PRKG1: variants seen among roughly 807,000 people sequenced by gnomAD.
The protein encoded by PRKG1 is protein kinase cGMP-dependent 1.
Under a neutral mutation model 88.1 loss-of-function variants are expected in PRKG1, and 35 were observed. That is an observed-to-expected ratio of 0.40 (90% CI 0.30 to 0.53). PRKG1 has a LOEUF of 0.53. Ranked by LOEUF, PRKG1 falls within the 20% of genes least tolerant of loss-of-function variation. The pLI is 0.59. For missense variants in PRKG1, 540 were observed against 839.8 expected (o/e 0.64, Z 4.41); for synonymous variants, 303 against 292.5 (o/e 1.04, Z -0.37).
At chr10:51,437,940 C>G (rs1455771243) in intron 2 of PRKG1, among the ~76,000 whole-genome samples, 2 of 151,314 alleles carry the variant, frequency 1.3e-5, no homozygotes, top group Non-Finnish European at 3.0e-5. Flanking sequence ...AAAATGTTAA[C>G]TGTTCAAAGG....
Position 52,251,583 on chromosome 10 carries a change from G to A in PRKG1, c.1090G>A (p.Ala364Thr), listed in dbSNP as rs766158164. The part of the protein sequence containing the change: ...AEAKAKYEAE[A>T]AFFANLKLSD... Reference sequence around the variant, plus strand: ...CAAAAAATCCAGATATGAAGCTGAAGCGGCTTTCTTCGCCAACCTGAAGCT... The same window carrying A: ...CAAAAAATCCAGATATGAAGCTGAAACGGCTTTCTTCGCCAACCTGAAGCT... Residue 364 changes from alanine to threonine, a missense_variant, in exon 10 of 18, where the codon GCG (alanine) becomes ACG (threonine). By Grantham distance (58) the Ala-to-Thr change is moderately conservative (BLOSUM62 0). This residue lies in a region of PRKG1 where 400 missense variants were observed against 562.7 expected (regional missense o/e 0.71). Transcript: ENST00000373980. 1.2e-6 allele frequency: 2 copies of A among 1,607,890 alleles called. No individual in the cohort carries two copies. Among genetic ancestry groups the A allele is most frequent in the South Asian group, 1.1e-5 (1 of 90,942 alleles).
chr10:52,006,336 A>T (rs1452878985), intron 5 of PRKG1, among the ~76,000 whole-genome samples: 1 of 152,352 alleles, frequency 6.6e-6, no homozygotes, highest in Non-Finnish European at 1.5e-5. Context: ...AATGAAGATC[A>T]TCAAGATTCA....
chr10:52,244,795 T>TATATATTTAG (rs1216652289), intron 9 of PRKG1, among the ~76,000 whole-genome samples: 2 of 144,482 alleles, frequency 1.4e-5, no homozygotes, highest in African/African-American at 5.0e-5. Context: ...TATATTTAAA[T>TATATATTTAG]ATATATTTAG....
chr10:51,805,157 G>A (rs1839271772), intron 4 of PRKG1, among the ~76,000 whole-genome samples: 1 of 152,062 alleles, frequency 6.6e-6, no homozygotes, highest in Non-Finnish European at 1.5e-5. Context: ...AGATGACTAA[G>A]ATGAAAAAGT....
rs185011345 is a variant in PRKG1 at position 52,199,109 on chromosome 10, T to C, written c.1076+37146T>C. ...CTTGCTCTTTCTTTTTTTTTCCCGA[T>C]TCTGTTTCAATGTAAGGTTTTTCTT... On this transcript the variant is annotated intron_variant, in intron 9 of 17. Transcript: ENST00000373980. 5.7e-3 allele frequency among the ~76,000 whole-genome samples: 861 copies of C among 152,176 alleles called. 7 individuals are homozygous for C. Among genetic ancestry groups the C allele is most frequent in the African/African-American group, 0.02 (817 of 41,534 alleles).
intron 3 of PRKG1, among the ~76,000 whole-genome samples, chr10:51,606,012 G>T (rs377202591): frequency 1.3e-5 from 2 of 152,036 alleles, no homozygotes; most frequent in Non-Finnish European, 2.9e-5. Context: ...ACGACACCTG[G>T]TAAATAGTAA....
intron 3 of PRKG1, among the ~76,000 whole-genome samples, chr10:51,774,938 G>A (rs1838396341): frequency 6.6e-6 from 1 of 152,060 alleles, no homozygotes; most frequent in Admixed American, 6.6e-5. Flanking sequence ...AATATTGTTA[G>A]TAACCAAGCT....
intron 2 of PRKG1, among the ~76,000 whole-genome samples, chr10:51,207,505 A>T (rs975768139): frequency 2.6e-5 from 4 of 151,302 alleles, no homozygotes; most frequent in African/African-American, 4.8e-5. Flanking sequence ...CCTTATTATT[A>T]TTTTTTTTTA....
intron 2 of PRKG1, among the ~76,000 whole-genome samples, chr10:51,195,342 C>T (rs1203350730): frequency 1.2e-4 from 19 of 152,150 alleles, no homozygotes. Context: ...GAGTTACCTC[C>T]TTAATTCAGT....
At chr10:51,185,072 T>G (rs937668756) in intron 2 of PRKG1, among the ~76,000 whole-genome samples, 5 of 152,196 alleles carry the variant, frequency 3.3e-5, no homozygotes, top group African/African-American at 1.2e-4. Flanking sequence ...AAGTGGAGAT[T>G]TGACCAATAT....
chr10:52,068,486 A>G lies in PRKG1; in HGVS notation c.935+5855A>G, dbSNP rs190044974. Among the ~76,000 whole-genome samples, 202 of 152,278 alleles carry G rather than the reference A, an allele frequency of 1.3e-3. 4 individuals are homozygous for G. The South Asian group carries it at 0.015, about 11-fold the overall frequency. ...TTGGAACTTATTCTGTCATTTATTA[A>G]TGATTAGTCACTGAGAAGAATTTCT... On this transcript the variant is annotated intron_variant, in intron 7 of 17. Transcript: ENST00000373980.
chr10:51,315,519 T>C (rs1841295857), intron 2 of PRKG1, among the ~76,000 whole-genome samples: 1 of 152,164 alleles, frequency 6.6e-6, no homozygotes, highest in South Asian at 2.1e-4. Flanking sequence ...TGGAATTTTA[T>C]TGGTAAGAGG....
chr10:51,308,889 T>A (rs954416542), intron 2 of PRKG1, among the ~76,000 whole-genome samples: 1 of 151,994 alleles, frequency 6.6e-6, no homozygotes, highest in African/African-American at 2.4e-5. Context: ...CTGAGACCTT[T>A]GAGGAGGGGG....
intron 7 of PRKG1, among the ~76,000 whole-genome samples, chr10:52,065,037 A>T (rs1846324594): frequency 6.6e-6 from 1 of 152,124 alleles, no homozygotes; most frequent in Non-Finnish European, 1.5e-5. Context: ...CTTCTGTGAG[A>T]CTGATACTCT....
chr10:51,591,404 A>G (rs1838309975), intron 3 of PRKG1, among the ~76,000 whole-genome samples: 1 of 152,248 alleles, frequency 6.6e-6, no homozygotes, highest in Non-Finnish European at 1.5e-5. Flanking sequence ...ATTAGACAAA[A>G]TAAAAATCAT....
At chr10:51,804,534 A>T (rs1839255522) in intron 3 of PRKG1, 51 bp from the exon 4 acceptor site, 11 of 1,290,310 alleles carry the variant, frequency 8.5e-6, no homozygotes, top group Non-Finnish European at 1.2e-5. Context: ...TTCACAGTTG[A>T]AATTCTCTGA....
chr10:51,089,371 A>C (rs546840670), intron 1 of PRKG1, among the ~76,000 whole-genome samples: 1 of 152,320 alleles, frequency 6.6e-6, no homozygotes, highest in Admixed American at 6.5e-5. Context: ...GTACTAAGAA[A>C]ATCCTTTCAA....
At chr10:52,150,183 A>AATAATAATTATTATTATT (rs1554810290) in intron 8 of PRKG1, among the ~76,000 whole-genome samples, 35 of 147,992 alleles carry the variant, frequency 2.4e-4, no homozygotes, top group African/African-American at 8.5e-4. Context: ...TAATAATAAT[A>AATAATAATTATTATTATT]ATTTGATTGG....
intron 3 of PRKG1, among the ~76,000 whole-genome samples, chr10:51,630,267 A>G (rs772891832): frequency 7.9e-5 from 12 of 152,194 alleles, no homozygotes; most frequent in Non-Finnish European, 1.6e-4. Flanking sequence ...ACAAACAGAC[A>G]TGAGTTAAGG....
Sources: allele counts gnomAD v4.1 joint callset (sites outside exome capture counted in the v4.1 genomes callset), GRCh38; gene constraint gnomAD v4.1.1; regional missense constraint gnomAD v4.1.1; transcripts MANE v1.5; gene names NCBI Gene and HGNC (gene_info 2026-07-23, HGNC 2026-07-21).